RBFOX2: variants seen among roughly 807,000 people sequenced by gnomAD.
The protein encoded by RBFOX2 is RNA binding protein fox-1 homolog 2.
In RBFOX2, 10 loss-of-function variants were observed where a neutral mutation model predicts 49.1. The observed-to-expected ratio is 0.20, with a 90% CI of 0.13 to 0.35. The LOEUF is 0.35. RBFOX2 is among the 10% of genes least tolerant of loss of function. RBFOX2 has a pLI of 1.00. For missense variants in RBFOX2, 323 were observed against 486.9 expected (o/e 0.66, Z 3.17); for synonymous variants, 183 against 187.4 (o/e 0.98, Z 0.19).
At chr22:36,004,795 TC>T (rs2058559494) in intron 1 of RBFOX2, among the ~76,000 whole-genome samples, 1 of 150,776 alleles carries the variant, frequency 6.6e-6, no homozygotes, top group Non-Finnish European at 1.5e-5. Flanking sequence ...AAACTCTGTC[TC>T]AAAAAAAAAA....
At chr22:35,800,088 T>C (rs765818210) in intron 2 of RBFOX2, among the ~76,000 whole-genome samples, 1 of 152,192 alleles carries the variant, frequency 6.6e-6, no homozygotes, top group Non-Finnish European at 1.5e-5. Context: ...ATTTGATAGA[T>C]GAGGAAACTG....
At chr22:35,950,070 T>C (rs1449412815) in intron 1 of RBFOX2, among the ~76,000 whole-genome samples, 3 of 151,970 alleles carry the variant, frequency 2.0e-5, no homozygotes, top group Admixed American at 1.3e-4. Context: ...CTTTGATCCA[T>C]TTTGAGTTAA....
At chr22:35,964,908 T>G (rs542784496), upstream of RBFOX2, among the ~76,000 whole-genome samples, 20 of 152,334 alleles carry the variant, frequency 1.3e-4, no homozygotes, top group African/African-American at 4.8e-4. Context: ...ATGTCAAATA[T>G]TATAATCAGA....
intron 1 of RBFOX2, among the ~76,000 whole-genome samples, chr22:35,831,874 T>C (rs1956866518): frequency 6.6e-6 from 1 of 152,234 alleles, no homozygotes; most frequent in African/African-American, 2.4e-5. Context: ...CTTCCATTAC[T>C]CAGTGACAGT....
At chr22:35,924,971 C>T (rs915298333) in intron 1 of RBFOX2, among the ~76,000 whole-genome samples, 1 of 152,038 alleles carries the variant, frequency 6.6e-6, no homozygotes, top group African/African-American at 2.4e-5. Context: ...GTCAGGAGTT[C>T]AAGACCAACT....
At chr22:35,912,411 C>G (rs976292319) in intron 1 of RBFOX2, among the ~76,000 whole-genome samples, 15 of 152,172 alleles carry the variant, frequency 9.9e-5, no homozygotes, top group Middle Eastern at 3.2e-3. Context: ...CATTTCCTCA[C>G]CGCAAGAAAA....
intron 1 of RBFOX2, among the ~76,000 whole-genome samples, chr22:35,858,360 A>G (rs2042734092): frequency 6.6e-6 from 1 of 152,150 alleles, no homozygotes; most frequent in South Asian, 2.1e-4. Flanking sequence ...TGCTACCTTA[A>G]ATGCCATCTG....
intron 1 of RBFOX2, among the ~76,000 whole-genome samples, chr22:35,911,702 C>T (rs2049850607): frequency 6.6e-6 from 1 of 152,144 alleles, no homozygotes. Context: ...ATCTCCCCTT[C>T]CCAATCTCTG....
chr22:35,853,454 T>C (rs1346200106), intron 1 of RBFOX2, among the ~76,000 whole-genome samples: 1 of 152,112 alleles, frequency 6.6e-6, no homozygotes, highest in Admixed American at 6.6e-5. Flanking sequence ...TGAAAAGCAG[T>C]GCTCCAAATA....
At chr22:35,883,213 T>A (rs1363785308) in intron 1 of RBFOX2, among the ~76,000 whole-genome samples, 1 of 152,228 alleles carries the variant, frequency 6.6e-6, no homozygotes, top group African/African-American at 2.4e-5. Context: ...AGCAGAATGC[T>A]AGGGGTGTCC....
chr22:35,972,531 G>A (rs1346118611), intron 1 of RBFOX2, among the ~76,000 whole-genome samples: 1 of 151,968 alleles, frequency 6.6e-6, no homozygotes, highest in East Asian at 1.9e-4. Context: ...GTAGCCATAT[G>A]GCTTGGAATA....
intron 1 of RBFOX2, among the ~76,000 whole-genome samples, chr22:35,847,503 A>T (rs1218230104): frequency 6.6e-6 from 1 of 152,196 alleles, no homozygotes; most frequent in Non-Finnish European, 1.5e-5. Context: ...GAATATATAA[A>T]AGAAGCTAAA....
intron 1 of RBFOX2, chr22:35,995,280 G>A (rs923610602): frequency 5.3e-5 from 8 of 152,108 alleles, no homozygotes; most frequent in Non-Finnish European, 1.0e-4. Flanking sequence ...AGTTTGTTCC[G>A]AATAAGAAGG....
rs371392227 is a variant in RBFOX2 at position 35,785,551 on chromosome 22, C to T, written c.253-3805G>A. 1.5e-4 allele frequency among the ~76,000 whole-genome samples: 23 copies of T among 152,334 alleles called. No individual in the cohort carries two copies. The East Asian group carries it at 3.9e-3, about 26-fold the overall frequency. On this transcript the variant is annotated intron_variant, in intron 2 of 11. Transcript: ENST00000405409. The stretch of plus-strand genomic sequence containing the variant: ...TAAAAGAAGCTGTGAATCAGAGATA[C>T]TTCTGGCTCAGAGATGTTGGCAACC...
chr22:35,889,366 C>A (rs929803923), intron 1 of RBFOX2, among the ~76,000 whole-genome samples: 2 of 152,086 alleles, frequency 1.3e-5, no homozygotes, highest in Non-Finnish European at 2.9e-5. Context: ...TTGAACATCT[C>A]AAAGTTACCC....
intron 1 of RBFOX2, chr22:35,993,074 C>A (rs888148392): frequency 1.3e-5 from 2 of 152,150 alleles, no homozygotes; most frequent in Non-Finnish European, 2.9e-5. Flanking sequence ...CAGCTTTATT[C>A]CACTACTAAG....
intron 5 of RBFOX2, among the ~76,000 whole-genome samples, chr22:35,767,927 A>G (rs1941505669): frequency 6.6e-6 from 1 of 152,164 alleles, no homozygotes; most frequent in Admixed American, 6.5e-5. Context: ...AATTCAGAGT[A>G]TTGCAAACTG....
chr22:35,763,340 T>A (rs1939652803), intron 6 of RBFOX2, among the ~76,000 whole-genome samples: 1 of 152,198 alleles, frequency 6.6e-6, no homozygotes, highest in South Asian at 2.1e-4. Flanking sequence ...GGCGGAGGGA[T>A]CACCTGAGTC....
chr22:35,879,446 C>T (rs1569448005), intron 1 of RBFOX2, among the ~76,000 whole-genome samples: 1 of 152,152 alleles, frequency 6.6e-6, no homozygotes, highest in Non-Finnish European at 1.5e-5. Flanking sequence ...TATGCAAATG[C>T]CACACTATTT....
Sources: allele counts gnomAD v4.1 joint callset (sites outside exome capture counted in the v4.1 genomes callset), GRCh38; gene constraint gnomAD v4.1.1; transcripts MANE v1.5; gene names NCBI Gene and HGNC (gene_info 2026-07-23, HGNC 2026-07-21).